SGCZ: variants seen among roughly 807,000 people sequenced by gnomAD.
The protein encoded by SGCZ is zeta-sarcoglycan.
In SGCZ, 40 loss-of-function variants were observed where a neutral mutation model predicts 41.3. The ratio of observed to expected loss-of-function variants is 0.97; its 90% CI spans 0.75 to 1.26. SGCZ has a LOEUF of 1.26. Ranked by LOEUF, SGCZ falls within the 50% of genes most tolerant of loss-of-function variation. The probability of loss-of-function intolerance (pLI) is 0.00; values close to 1 mark genes in which losing one functional copy is unlikely to be tolerated. For missense variants in SGCZ, 552 were observed against 369.8 expected (o/e 1.49, Z -4.04); for synonymous variants, 206 against 137.5 (o/e 1.50, Z -3.49).
chr8:14,593,757 A>G (rs1445295274), intron 1 of SGCZ, among the ~76,000 whole-genome samples: 1 of 152,176 alleles, frequency 6.6e-6, no homozygotes, highest in Non-Finnish European at 1.5e-5. Flanking sequence ...ATTGGATTGA[A>G]TTTTATCCCT....
chr8:14,649,918 CA>C (rs1166614269), intron 1 of SGCZ, among the ~76,000 whole-genome samples: 1 of 151,858 alleles, frequency 6.6e-6, no homozygotes, highest in African/African-American at 2.4e-5. Flanking sequence ...GAGTTCACCA[CA>C]AGAGAAAGTT....
At chr8:14,555,476 G>A (rs1380315808) in intron 1 of SGCZ, among the ~76,000 whole-genome samples, 1 of 152,014 alleles carries the variant, frequency 6.6e-6, no homozygotes. Context: ...AGACGTGTCT[G>A]TTTCCCCTTT....
At chr8:14,588,429 TTTGA>T (rs144003918) in intron 1 of SGCZ, among the ~76,000 whole-genome samples, 2,418 of 152,152 alleles carry the variant, frequency 0.016, 61 homozygotes, top group African/African-American at 0.054. Context: ...ACAGGAAAAC[TTTGA>T]TTTATTTATT....
chr8:14,211,855 A>C (rs10092002), intron 4 of SGCZ, among the ~76,000 whole-genome samples: 10,903 of 152,094 alleles, frequency 0.072, 498 homozygotes, highest in African/African-American at 0.11. Context: ...TGTTTTTTGC[A>C]AGATCAAGAG....
chr8:14,484,278 T>G (rs13280185), intron 2 of SGCZ, among the ~76,000 whole-genome samples: 2 of 151,928 alleles, frequency 1.3e-5, no homozygotes, highest in Non-Finnish European at 2.9e-5. Context: ...CTCTGTATAA[T>G]AAACTTTCAT....
intron 2 of SGCZ, among the ~76,000 whole-genome samples, chr8:14,443,428 A>C (rs1308999738): frequency 1.3e-5 from 2 of 152,282 alleles, no homozygotes; most frequent in South Asian, 4.1e-4. Flanking sequence ...AGGCTACAGT[A>C]ACCAAAACAG....
chr8:14,249,110 G>A (rs1004485360), intron 3 of SGCZ, among the ~76,000 whole-genome samples: 1 of 152,142 alleles, frequency 6.6e-6, no homozygotes, highest in Non-Finnish European at 1.5e-5. Context: ...ATGAACATTT[G>A]AATCAGTAGT....
chr8:14,483,092 C>G (rs994989645), intron 2 of SGCZ, among the ~76,000 whole-genome samples: 13 of 152,134 alleles, frequency 8.5e-5, no homozygotes, highest in Non-Finnish European at 1.6e-4. Context: ...ATCTCTTACC[C>G]ACACTTAAAC....
At chr8:14,474,684 A>G (rs930577226) in intron 2 of SGCZ, among the ~76,000 whole-genome samples, 3 of 152,216 alleles carry the variant, frequency 2.0e-5, no homozygotes, top group Non-Finnish European at 4.4e-5. Context: ...ATTATCCTCC[A>G]AACAACTTTG....
chr8:14,600,627 A>G (rs935556483), intron 1 of SGCZ, among the ~76,000 whole-genome samples: 1 of 152,208 alleles, frequency 6.6e-6, no homozygotes, highest in South Asian at 2.1e-4. Flanking sequence ...TGCTGCACCC[A>G]GGAATAAATG....
intron 1 of SGCZ, among the ~76,000 whole-genome samples, chr8:14,769,806 A>AAAAAAAAAAC: frequency 6.7e-6 from 1 of 149,972 alleles, no homozygotes; most frequent in East Asian, 1.9e-4. Context: ...AAAAAAAAAA[A>AAAAAAAAAAC]AAAAAAAAAC....
At chr8:14,930,559 C>T (rs1799895888) in intron 1 of SGCZ, among the ~76,000 whole-genome samples, 1 of 151,976 alleles carries the variant, frequency 6.6e-6, no homozygotes, top group Non-Finnish European at 1.5e-5. Flanking sequence ...CAGCACTGTT[C>T]ACAATAGCAA....
chr8:14,688,276 A>C (rs1036016509), intron 1 of SGCZ, among the ~76,000 whole-genome samples: 5 of 152,166 alleles, frequency 3.3e-5, no homozygotes, highest in Admixed American at 1.3e-4. Context: ...GCCCATGCCT[A>C]TGTCCTGAAT....
At chr8:14,844,290 T>C (rs890971593) in intron 1 of SGCZ, among the ~76,000 whole-genome samples, 8 of 152,126 alleles carry the variant, frequency 5.3e-5, no homozygotes, top group Non-Finnish European at 1.5e-5. Context: ...TCACATACTT[T>C]AGAGAGTGGA....
In SGCZ at chr8:14,579,835, G is replaced by A. The variant is rs563552377; in HGVS notation, c.40-24909C>T. Among the ~76,000 whole-genome samples, 73 of 152,240 alleles carry A rather than the reference G, an allele frequency of 4.8e-4. No homozygotes were observed. In the South Asian group the frequency reaches 0.015, roughly 32 times the overall value. On this transcript the variant is annotated intron_variant, in intron 1 of 7. Transcript: ENST00000382080. ...GATTCCCTTTTGTGTATCTAGGTTA[G>A]GTGCAGTTCTACATTTAGATAAAGA...
intron 2 of SGCZ, among the ~76,000 whole-genome samples, chr8:14,352,670 G>C (rs1028075694): frequency 1.3e-5 from 2 of 152,010 alleles, no homozygotes; most frequent in African/African-American, 4.8e-5. Flanking sequence ...AATGGATCAA[G>C]CTTTAAAACC....
intron 1 of SGCZ, among the ~76,000 whole-genome samples, chr8:14,966,116 G>C (rs1346201563): frequency 6.6e-6 from 1 of 151,680 alleles, no homozygotes; most frequent in Non-Finnish European, 1.5e-5. Context: ...TATAAGAAAG[G>C]CTTTAGAATA....
chr8:14,105,741 C>T (rs766970476), intron 6 of SGCZ, among the ~76,000 whole-genome samples: 63 of 152,026 alleles, frequency 4.1e-4, no homozygotes, highest in South Asian at 3.5e-3. Context: ...AAACCAGAAA[C>T]ACCATACACT....
At chr8:14,300,719 G>A (rs989097665) in intron 3 of SGCZ, among the ~76,000 whole-genome samples, 1 of 151,896 alleles carries the variant, frequency 6.6e-6, no homozygotes, top group African/African-American at 2.4e-5. Context: ...TTTCCCTGAT[G>A]ATTAGTGATG....
Sources: allele counts gnomAD v4.1 joint callset (sites outside exome capture counted in the v4.1 genomes callset), GRCh38; gene constraint gnomAD v4.1.1; transcripts MANE v1.5; gene names NCBI Gene and HGNC (gene_info 2026-07-23, HGNC 2026-07-21).